Variants in KHDRBS2 observed in about 807,000 individuals in gnomAD.
KHDRBS2 encodes the protein KH domain-containing, RNA-binding, signal transduction-associated protein 2.
Under a neutral mutation model 44.3 loss-of-function variants are expected in KHDRBS2, and 26 were observed. The observed-to-expected ratio is 0.59, with a 90% CI of 0.43 to 0.81. KHDRBS2 has a LOEUF of 0.81. Among genes scored for constraint, KHDRBS2 ranks in the 40% least tolerant of loss-of-function variants. KHDRBS2 has a pLI of 0.00. For missense variants in KHDRBS2, 476 were observed against 433.1 expected (o/e 1.10, Z -0.88); for synonymous variants, 194 against 151.1 (o/e 1.28, Z -2.08).
intron 6 of KHDRBS2, among the ~76,000 whole-genome samples, chr6:61,748,580 AT>A (rs1281184603): frequency 6.6e-6 from 1 of 152,194 alleles, no homozygotes; most frequent in Admixed American, 6.5e-5. Context: ...ATTAATAAAC[AT>A]TTTTATATAT....
chr6:61,766,040 T>C (rs1207290877), intron 6 of KHDRBS2, among the ~76,000 whole-genome samples: 3 of 152,132 alleles, frequency 2.0e-5, no homozygotes, highest in Non-Finnish European at 2.9e-5. Flanking sequence ...TCTGAATAAT[T>C]TGAGAGGATT....
intron 2 of KHDRBS2, among the ~76,000 whole-genome samples, chr6:62,126,650 T>C (rs1162788626): frequency 6.6e-6 from 1 of 152,168 alleles, no homozygotes; most frequent in Admixed American, 6.5e-5. Context: ...CTTCATTTGA[T>C]TGGGGAAAAG....
intron 2 of KHDRBS2, among the ~76,000 whole-genome samples, chr6:62,160,876 A>C (rs1441190683): frequency 6.6e-6 from 1 of 152,116 alleles, no homozygotes; most frequent in Non-Finnish European, 1.5e-5. Flanking sequence ...AGTGGTGTTA[A>C]ACACATTCAT....
intron 6 of KHDRBS2, among the ~76,000 whole-genome samples, chr6:61,784,060 A>T (rs970474412): frequency 6.6e-6 from 1 of 151,936 alleles, no homozygotes; most frequent in Non-Finnish European, 1.5e-5. Context: ...TAAACCCTAA[A>T]ATTAAATCTA....
rs76036464 is a variant in KHDRBS2, at chr6:62,250,433, G to A, written c.91+35425C>T. ...TACTTAAATAGTGAACTTCTATGAG[G>A]AATTCTATAATGTAATTTAGGAAAC... On this transcript the variant is annotated intron_variant, in intron 1 of 8. Coordinates refer to ENST00000281156, the MANE Select transcript of KHDRBS2 (RefSeq NM_152688.4). Among the ~76,000 whole-genome samples the A allele has an allele frequency of 8.7e-3, 1,329 of 152,014 alleles. 13 individuals are homozygous for A. The highest frequency in any genetic ancestry group is 0.014 in the Non-Finnish European group (943 of 67,952).
chr6:62,063,442 G>T (rs1015523215), intron 2 of KHDRBS2, among the ~76,000 whole-genome samples: 41 of 150,770 alleles, frequency 2.7e-4, no homozygotes, highest in African/African-American at 9.0e-4. Context: ...TGATCAAGTG[G>T]GCTTCATCCC....
At chr6:61,741,736 T>A (rs1776167770) in intron 6 of KHDRBS2, among the ~76,000 whole-genome samples, 1 of 151,924 alleles carries the variant, frequency 6.6e-6, no homozygotes, top group Non-Finnish European at 1.5e-5. Flanking sequence ...AATTGACATG[T>A]TTTTGTCAAC....
intron 2 of KHDRBS2, among the ~76,000 whole-genome samples, chr6:62,159,224 C>A (rs1817097527): frequency 6.6e-6 from 1 of 152,030 alleles, no homozygotes; most frequent in South Asian, 2.1e-4. Context: ...CCTGAGTTAA[C>A]CTTTTAACTT....
intron 2 of KHDRBS2, among the ~76,000 whole-genome samples, chr6:62,077,163 A>G (rs1327781882): frequency 6.6e-6 from 1 of 152,084 alleles, no homozygotes; most frequent in Non-Finnish European, 1.5e-5. Flanking sequence ...AAAATGCTGC[A>G]TTTGACAAAA....
chr6:62,019,632 G>A (rs1329825752), intron 3 of KHDRBS2, among the ~76,000 whole-genome samples: 1 of 152,052 alleles, frequency 6.6e-6, no homozygotes, highest in Non-Finnish European at 1.5e-5. Context: ...GTAAAGGGAT[G>A]TCAGACTATT....
At chr6:61,732,869 T>C (rs1774717940) in intron 6 of KHDRBS2, 105 bp from the exon 7 acceptor site, 2 of 708,476 alleles carry the variant, frequency 2.8e-6, no homozygotes, top group South Asian at 3.2e-5. Flanking sequence ...TTAGATTTCA[T>C]GTTGGGTAAG....
chr6:61,665,305 A>G, the KHDRBS2 span, among the ~76,000 whole-genome samples: 1 of 151,492 alleles, frequency 6.6e-6, no homozygotes, highest in Admixed American at 6.6e-5. Flanking sequence ...AAATGTTGCC[A>G]GAAGTATTAG....
chr6:61,738,954 T>A (rs1323025105), intron 6 of KHDRBS2, among the ~76,000 whole-genome samples: 2 of 151,918 alleles, frequency 1.3e-5, no homozygotes, highest in Admixed American at 1.3e-4. Context: ...ATAAGTCCTA[T>A]CTTTAAGAAG....
the KHDRBS2 span, among the ~76,000 whole-genome samples, chr6:61,600,498 T>A: frequency 6.6e-6 from 1 of 151,964 alleles, no homozygotes; most frequent in African/African-American, 2.4e-5. Context: ...CCCACCCAAA[T>A]CTTATAAAAC....
chr6:61,556,452 T>C, the KHDRBS2 span, among the ~76,000 whole-genome samples: 1 of 152,324 alleles, frequency 6.6e-6, no homozygotes, highest in South Asian at 2.1e-4. Context: ...TACTCCAAAA[T>C]TCAAATACAT....
At chr6:61,786,447 CT>C (rs768299367) in intron 6 of KHDRBS2, among the ~76,000 whole-genome samples, 63 of 151,958 alleles carry the variant, frequency 4.1e-4, no homozygotes, top group Non-Finnish European at 8.1e-4. Context: ...TTGTAAAATA[CT>C]TTTGAAAATT....
the KHDRBS2 span, among the ~76,000 whole-genome samples, chr6:61,653,865 A>T: frequency 1.3e-5 from 2 of 148,760 alleles, no homozygotes; most frequent in South Asian, 4.4e-4. Context: ...AAAAATTTAT[A>T]AAATACTATT....
chr6:62,245,819 C>T (rs1293636505), intron 1 of KHDRBS2, among the ~76,000 whole-genome samples: 1 of 151,754 alleles, frequency 6.6e-6, no homozygotes, highest in Non-Finnish European at 1.5e-5. Context: ...TTTGGATCTT[C>T]TCTCACGTCT....
At chr6:61,926,501 C>T (rs965941324) in intron 4 of KHDRBS2, among the ~76,000 whole-genome samples, 5 of 151,952 alleles carry the variant, frequency 3.3e-5, no homozygotes, top group African/African-American at 1.2e-4. Context: ...AAAACAAAAA[C>T]GGACCAATTC....
Sources: gnomAD v4.1 joint callset for allele counts (sites outside exome capture counted in the v4.1 genomes callset) on GRCh38, gnomAD v4.1.1 for gene constraint, MANE v1.5 for transcripts, NCBI Gene and HGNC (gene_info 2026-07-23, HGNC 2026-07-21) for gene names.